Variants in CNTNAP5 observed in about 807,000 individuals in gnomAD.
CNTNAP5 encodes contactin associated protein family member 5.
In CNTNAP5, 72 loss-of-function variants were observed where a neutral mutation model predicts 150.2. The ratio of observed to expected loss-of-function variants is 0.48; its 90% CI spans 0.40 to 0.58. CNTNAP5 has a LOEUF of 0.58. Ranked by LOEUF, CNTNAP5 falls within the 20% of genes least tolerant of loss-of-function variation. The pLI, the probability that CNTNAP5 is intolerant of heterozygous loss-of-function variation, is 0.00. For missense variants in CNTNAP5, 1,636 were observed against 1,626.2 expected (o/e 1.01, Z -0.10); for synonymous variants, 672 against 619.8 (o/e 1.08, Z -1.25).
At chr2:124,318,127 C>A (rs1407995414) in intron 3 of CNTNAP5, among the ~76,000 whole-genome samples, 1 of 152,124 alleles carries the variant, frequency 6.6e-6, no homozygotes, top group Non-Finnish European at 1.5e-5. Context: ...CAGTCAGCGG[C>A]CACAGCACAC....
chr2:124,200,349 T>C (rs1258644473), intron 1 of CNTNAP5, among the ~76,000 whole-genome samples: 1 of 152,198 alleles, frequency 6.6e-6, no homozygotes, highest in African/African-American at 2.4e-5. Flanking sequence ...CTTATTCATA[T>C]ATATTTCTTT....
chr2:124,764,002 TTA>T lies in CNTNAP5; in HGVS notation c.2391_2392del (p.Thr798ArgfsTer23). 1 of 1,612,608 alleles carries T rather than the reference TTA, an allele frequency of 6.2e-7. No homozygotes were observed. Among genetic ancestry groups the T allele is most frequent in the Non-Finnish European group, 8.5e-7 (1 of 1,179,308 alleles). ...GACGCTTCTGGAACGCCGTCTCATT[TTA>T]TACAGAAGCCTCTTACCTCCACTTT... ...DRRFWNAVSF[Y>X]TEASYLHFPT... On this transcript the variant is annotated frameshift_variant, in exon 16 of 24. Coordinates refer to ENST00000682447, the MANE Select transcript of CNTNAP5 (RefSeq NM_001367498.1). LOFTEE classifies it high-confidence loss of function.
chr2:124,418,682 C>T (rs1235422069), intron 4 of CNTNAP5, among the ~76,000 whole-genome samples: 3 of 152,100 alleles, frequency 2.0e-5, no homozygotes, highest in South Asian at 2.1e-4. Flanking sequence ...ATCAACAAAC[C>T]ATTAGGCCCA....
chr2:124,731,646 A>G (rs991928783), intron 13 of CNTNAP5, among the ~76,000 whole-genome samples: 2 of 152,038 alleles, frequency 1.3e-5, no homozygotes, highest in African/African-American at 4.8e-5. Context: ...AAAGAAAGAA[A>G]AAAGAAATAA....
At chr2:124,657,619 G>T (rs1287807088) in intron 13 of CNTNAP5, among the ~76,000 whole-genome samples, 2 of 152,114 alleles carry the variant, frequency 1.3e-5, no homozygotes, top group Non-Finnish European at 2.9e-5. Flanking sequence ...TATAACCATG[G>T]CTCCAAACCT....
At chr2:124,043,173 G>A (rs966627645) in intron 1 of CNTNAP5, among the ~76,000 whole-genome samples, 5 of 152,160 alleles carry the variant, frequency 3.3e-5, no homozygotes, top group Non-Finnish European at 5.9e-5. Flanking sequence ...GTTGGGAAAA[G>A]GACCTTGGAA....
intron 13 of CNTNAP5, among the ~76,000 whole-genome samples, chr2:124,745,880 C>T (rs1680593544): frequency 6.6e-6 from 1 of 152,154 alleles, no homozygotes; most frequent in South Asian, 2.1e-4. Context: ...TTTAGGTTGC[C>T]TGGTCTCTTC....
chr2:124,205,505 G>C (rs576839541), intron 1 of CNTNAP5, among the ~76,000 whole-genome samples: 2 of 149,576 alleles, frequency 1.3e-5, no homozygotes, highest in African/African-American at 2.5e-5. Flanking sequence ...TGCAACCTCC[G>C]CCTCCTGGGT....
At chr2:124,858,066 G>C (rs559072288) in intron 19 of CNTNAP5, among the ~76,000 whole-genome samples, 2 of 152,112 alleles carry the variant, frequency 1.3e-5, no homozygotes, top group East Asian at 3.9e-4. Context: ...AAAATAATAA[G>C]AGCTATTTAT....
At chr2:124,167,007 A>G (rs1684822807) in intron 1 of CNTNAP5, among the ~76,000 whole-genome samples, 3 of 152,084 alleles carry the variant, frequency 2.0e-5, no homozygotes, top group Admixed American at 1.3e-4. Context: ...GTATATATGA[A>G]TATAAAACAC....
intron 3 of CNTNAP5, among the ~76,000 whole-genome samples, chr2:124,353,605 C>T (rs965206920): frequency 1.3e-5 from 2 of 152,074 alleles, no homozygotes; most frequent in Admixed American, 6.6e-5. Context: ...ATCCTCTCTC[C>T]GTGCATCTCC....
intron 6 of CNTNAP5, among the ~76,000 whole-genome samples, chr2:124,461,654 G>T (rs1042809881): frequency 6.6e-6 from 1 of 151,684 alleles, no homozygotes; most frequent in Non-Finnish European, 1.5e-5. Flanking sequence ...TTGTGCACAT[G>T]TACCCTAAAA....
At chr2:124,196,511 T>G (rs1685591205) in intron 1 of CNTNAP5, among the ~76,000 whole-genome samples, 1 of 152,196 alleles carries the variant, frequency 6.6e-6, no homozygotes, top group African/African-American at 2.4e-5. Context: ...GCTTTCCATA[T>G]TTCCATGCAA....
intron 8 of CNTNAP5, among the ~76,000 whole-genome samples, chr2:124,513,837 G>A (rs746670714): frequency 1.1e-4 from 17 of 152,282 alleles, no homozygotes; most frequent in African/African-American, 3.8e-4. Flanking sequence ...GTGGAATGCT[G>A]GCAGCCAGGT....
intron 13 of CNTNAP5, among the ~76,000 whole-genome samples, chr2:124,708,550 G>C (rs1201503997): frequency 6.6e-6 from 1 of 152,190 alleles, no homozygotes; most frequent in Non-Finnish European, 1.5e-5. Flanking sequence ...CTCGGGATTG[G>C]AGGTACAAGG....
chr2:124,862,168 T>C (rs143792988), intron 19 of CNTNAP5, among the ~76,000 whole-genome samples: 2 of 152,340 alleles, frequency 1.3e-5, no homozygotes, highest in Admixed American at 1.3e-4. Context: ...ATCTCTTTTA[T>C]TGTTAATTTC....
At chr2:124,107,556 G>A (rs1311884254) in intron 1 of CNTNAP5, among the ~76,000 whole-genome samples, 1 of 152,144 alleles carries the variant, frequency 6.6e-6, no homozygotes, top group Non-Finnish European at 1.5e-5. Context: ...TTTAATAGGT[G>A]AGTTCAGTTA....
At chr2:124,610,032 T>C in intron 12 of CNTNAP5, 112 bp downstream of exon 12, 2 of 1,213,562 alleles carry the variant, frequency 1.6e-6, no homozygotes, top group Non-Finnish European at 2.3e-6. Flanking sequence ...AAAGACCAAC[T>C]GGTCTCCTTT....
At chr2:124,414,005 A>G (rs1691850215) in intron 3 of CNTNAP5, among the ~76,000 whole-genome samples, 1 of 151,520 alleles carries the variant, frequency 6.6e-6, no homozygotes, top group East Asian at 1.9e-4. Context: ...ATTTGAGGCT[A>G]TTTCTTTAGT....
Sources: allele counts gnomAD v4.1 joint callset (sites outside exome capture counted in the v4.1 genomes callset), GRCh38; gene constraint gnomAD v4.1.1; transcripts MANE v1.5; gene names NCBI Gene and HGNC (gene_info 2026-07-23, HGNC 2026-07-21).